Variants in TMEM47 observed in about 807,000 individuals in gnomAD.
TMEM47 encodes transmembrane protein 47.
TMEM47 carries 3 observed loss-of-function variants against 12.4 expected under a neutral mutation model. That is an observed-to-expected ratio of 0.24 (90% CI 0.11 to 0.63). The LOEUF is 0.63. Among genes scored for constraint, TMEM47 ranks in the 20% least tolerant of loss-of-function variants. TMEM47 has a pLI of 0.86. For missense variants in TMEM47, 89 were observed against 143.8 expected, an observed-to-expected ratio of 0.62 and a Z score of 1.95; for synonymous variants, 62 against 63.3, an observed-to-expected ratio of 0.98 and a Z score of 0.10.
intron 2 of TMEM47, among the ~76,000 whole-genome samples, chrX:34,632,396 GC>G (rs1239193196): frequency 2.7e-5 from 3 of 111,157 alleles, no homozygotes; most frequent in Non-Finnish European, 5.7e-5. Flanking sequence ...TCTATTTTTA[GC>G]CCATGTAAAA....
chrX:34,640,634 C>T (rs1921798777), intron 1 of TMEM47, among the ~76,000 whole-genome samples: 1 of 111,983 alleles, frequency 8.9e-6, no homozygotes, highest in Non-Finnish European at 1.9e-5. Flanking sequence ...GCAATGGATT[C>T]TATCCTAAGT....
chrX:34,654,231 C>T (rs1468732781), intron 1 of TMEM47, among the ~76,000 whole-genome samples: 1 of 112,210 alleles, frequency 8.9e-6, no homozygotes, highest in African/African-American at 3.2e-5. Flanking sequence ...TGAGTAGAAA[C>T]ATTCCTGAAA....
intron 1 of TMEM47, among the ~76,000 whole-genome samples, chrX:34,642,187 G>A (rs927037195): frequency 2.7e-5 from 3 of 112,729 alleles, no homozygotes; most frequent in East Asian, 2.8e-4. Context: ...AAAACAGGTG[G>A]TGAGTTGGTT....
In TMEM47 at chrX:34,628,843, C is replaced by T. The variant is rs1479442789; in HGVS notation, c.*1470G>A. The stretch of plus-strand genomic sequence containing the variant: ...ATATAAAAATATGTTTATAATTAAG[C>T]TATCCAAATTTGTATATTAAACAGA... On this transcript the variant is annotated 3_prime_UTR_variant, in exon 3 of 3. Coordinates refer to ENST00000275954, the MANE Select transcript of TMEM47 (RefSeq NM_031442.4). 1 of 111,811 alleles carries T rather than the reference C, an allele frequency of 8.9e-6. No homozygotes were observed. The highest frequency in any genetic ancestry group is 1.9e-5 in the Non-Finnish European group (1 of 53,081). 9.2% of individuals were successfully genotyped at this position (111,811 alleles called of 1,213,427 possible). A position where few individuals can be genotyped will look rare whatever the true frequency, so the allele number is the denominator to read the frequency against.
intron 1 of TMEM47, among the ~76,000 whole-genome samples, chrX:34,646,394 T>C (rs905088378): frequency 8.9e-6 from 1 of 111,769 alleles, no homozygotes; most frequent in Admixed American, 9.5e-5. Flanking sequence ...CAAGTTCCAG[T>C]ATTTGGACAA....
At chrX:34,656,486 C>G (rs1467595247) in intron 1 of TMEM47, among the ~76,000 whole-genome samples, 1 of 110,524 alleles carries the variant, frequency 9.0e-6, no homozygotes, top group Non-Finnish European at 1.9e-5. Context: ...TTTTTTTACA[C>G]AGCCACATGG....
chrX:34,652,603 G>A, intron 1 of TMEM47, among the ~76,000 whole-genome samples: 1 of 112,056 alleles, frequency 8.9e-6, no homozygotes, highest in Non-Finnish European at 1.9e-5. Context: ...GAGCAAAAGA[G>A]AAATTATATC....
chrX:34,632,955 G>T (rs1056327603), intron 2 of TMEM47, among the ~76,000 whole-genome samples: 2 of 104,184 alleles, frequency 1.9e-5, no homozygotes, highest in African/African-American at 7.0e-5. Flanking sequence ...AAGTACATTT[G>T]AAAAAAAAAA....
chrX:34,654,324 G>C (rs966467099), intron 1 of TMEM47, among the ~76,000 whole-genome samples: 2 of 111,651 alleles, frequency 1.8e-5, no homozygotes, highest in South Asian at 7.5e-4. Flanking sequence ...AAGCCTTAAA[G>C]ATCCTGGTGA....
chrX:34,644,285 C>A (rs1377184025), intron 1 of TMEM47, among the ~76,000 whole-genome samples: 1 of 111,699 alleles, frequency 9.0e-6, no homozygotes, highest in Non-Finnish European at 1.9e-5. Flanking sequence ...TGTCTATAAA[C>A]AGTTTAGTAT....
At chrX:34,645,946 A>T (rs1020647540) in intron 1 of TMEM47, among the ~76,000 whole-genome samples, 3 of 111,712 alleles carry the variant, frequency 2.7e-5, no homozygotes, top group Non-Finnish European at 5.7e-5. Context: ...TTGATTTCGA[A>T]TACTACCCTT....
At chrX:34,651,738 T>C (rs1364909440) in intron 1 of TMEM47, among the ~76,000 whole-genome samples, 1 of 112,029 alleles carries the variant, frequency 8.9e-6, no homozygotes, top group Non-Finnish European at 1.9e-5. Context: ...TGCAAGTTTA[T>C]TGTGACATTG....
In TMEM47 at chrX:34,630,447, T is replaced by C; in HGVS notation, c.412A>G (p.Ile138Val). Residue 138 changes from isoleucine (I) to valine (V), a missense_variant, in exon 3 of 3, where the codon ATT (isoleucine) becomes GTT (valine). Coordinates refer to ENST00000275954, the MANE Select transcript of TMEM47 (RefSeq NM_031442.4). ...CSLVLYPIKF[I>V]ETVSLKIYHE... ...TAAATTTTCAAGCTCACAGTTTCAATGAACTTGATTGGGTAAAGGACCAGG... is the reference window on the plus strand; with the variant it reads ...TAAATTTTCAAGCTCACAGTTTCAACGAACTTGATTGGGTAAAGGACCAGG... The C allele has an allele frequency of 2.5e-6, 3 of 1,210,570 alleles. No individual in the cohort carries two copies. Among genetic ancestry groups the C allele is most frequent in the Non-Finnish European group, 3.4e-6 (3 of 894,860 alleles).
At chrX:34,655,055 A>G (rs1922080056) in intron 1 of TMEM47, among the ~76,000 whole-genome samples, 1 of 112,091 alleles carries the variant, frequency 8.9e-6, no homozygotes, top group Non-Finnish European at 1.9e-5. Flanking sequence ...AGAAAAGGTT[A>G]GCAAACACTG....
At chrX:34,656,696 C>T in intron 1 of TMEM47, 108 bp downstream of exon 1, 1 of 1,109,689 alleles carries the variant, frequency 9.0e-7, no homozygotes, top group Non-Finnish European at 1.2e-6. Context: ...GTGGGACGGG[C>T]CAGGGCAGAG....
chrX:34,630,572 A>G, intron 2 of TMEM47, 81 bp from the exon 3 acceptor site: 1 of 923,530 alleles, frequency 1.1e-6, no homozygotes, highest in Non-Finnish European at 1.4e-6. Flanking sequence ...TATATGTATG[A>G]GAGTAACTTT....
chrX:34,657,215 G>A lies in TMEM47; in HGVS notation c.-186C>T. The A allele has an allele frequency of 1.5e-6, 1 of 652,369 alleles. No homozygotes were observed. 53.8% of individuals were successfully genotyped at this position (652,369 alleles called of 1,213,427 possible). A position where few individuals can be genotyped will look rare whatever the true frequency, so the allele number is the denominator to read the frequency against. On this transcript the variant is annotated 5_prime_UTR_variant, in exon 1 of 3. Transcript: ENST00000275954. ...GGTCTGCGGAGGCGGCCGGCCGGGT[G>A]TGGGTCGTCGGCAGCCGCAGCGACG...
At chrX:34,637,655 C>T (rs939621788) in intron 2 of TMEM47, among the ~76,000 whole-genome samples, 2 of 110,351 alleles carry the variant, frequency 1.8e-5, no homozygotes, top group Admixed American at 9.7e-5. Flanking sequence ...CCTGTTTTAC[C>T]CCACCAGATT....
At chrX:34,649,748 C>T (rs949919004) in intron 1 of TMEM47, among the ~76,000 whole-genome samples, 7 of 111,613 alleles carry the variant, frequency 6.3e-5, no homozygotes, top group Admixed American at 3.8e-4. Context: ...TATTTTGATA[C>T]GGAGTCTTGC....
Sources: gnomAD v4.1 joint callset for allele counts (sites outside exome capture counted in the v4.1 genomes callset) on GRCh38, gnomAD v4.1.1 for gene constraint, MANE v1.5 for transcripts, NCBI Gene and HGNC (gene_info 2026-07-23, HGNC 2026-07-21) for gene names.